Variants in FGFR2 observed in about 807,000 individuals in gnomAD.
The protein encoded by FGFR2 is BEK fibroblast growth factor receptor.
Under a neutral mutation model 95.9 loss-of-function variants are expected in FGFR2, and 19 were observed. The ratio of observed to expected loss-of-function variants is 0.20; its 90% CI spans 0.14 to 0.29. The LOEUF is 0.29. FGFR2 is among the 10% of genes least tolerant of loss of function. FGFR2 has a pLI of 1.00. For missense variants in FGFR2, 707 were observed against 1,056.9 expected (o/e 0.67, Z 4.59); for synonymous variants, 392 against 393.3 (o/e 1.00, Z 0.04).
At position 121,583,757 on chromosome 10, in the gene FGFR2, A is replaced by T. The variant is rs1414847576; in HGVS notation, c.109+9952T>A. On this transcript the variant is annotated intron_variant, in intron 2 of 17. Transcript: ENST00000358487. ...AGAATGAGGGGTCACCACATTCTCC[A>T]GCAAAAAAAAAAAATCCTCCTGCTC... is the stretch of plus-strand genomic sequence containing the variant. Among the ~76,000 whole-genome samples, 5 of 123,040 alleles carry T rather than the reference A, an allele frequency of 4.1e-5. No individual in the cohort carries two copies. In the East Asian group the frequency reaches 9.5e-4, roughly 23 times the overall value. The allele number at this position is 123,040 out of a possible 152,430, so 80.7% of individuals were successfully genotyped here. A position where few individuals can be genotyped will look rare whatever the true frequency, so the allele number is the denominator to read the frequency against.
At chr10:121,489,854 C>T (rs1473419671) in intron 13 of FGFR2, among the ~76,000 whole-genome samples, 1 of 152,242 alleles carries the variant, frequency 6.6e-6, no homozygotes, top group Non-Finnish European at 1.5e-5. Flanking sequence ...GAGACTTCCA[C>T]ACTGCCCGTC....
At position 121,502,066 on chromosome 10, in the gene FGFR2, G is replaced by A. The variant is rs544140154; in HGVS notation, c.1440-1119C>T. On this transcript the variant is annotated intron_variant, in intron 10 of 17. Coordinates refer to ENST00000358487, the MANE Select transcript of FGFR2 (RefSeq NM_000141.5). ...TTTCCACACTCAGGGTACCCCGGGT[G>A]GGAGGTAACAGTTGGGCACATACAG... is the stretch of plus-strand genomic sequence containing the variant. 5.9e-5 allele frequency among the ~76,000 whole-genome samples: 9 copies of A among 152,308 alleles called. No individual in the cohort carries two copies. In the East Asian group the frequency reaches 1.7e-3, roughly 29 times the overall value.
At chr10:121,538,551 G>A in intron 6 of FGFR2, 41 bp downstream of exon 6, 1 of 1,614,016 alleles carries the variant, frequency 6.2e-7, no homozygotes. Flanking sequence ...AAGCAAGAAT[G>A]GGCTGGTATG....
In FGFR2 at chr10:121,597,952, C is replaced by T. The variant is rs116031375; in HGVS notation, c.-151+10G>A. The T allele has an allele frequency of 3.9e-4, 154 of 392,122 alleles. No individual in the cohort carries two copies. Among genetic ancestry groups the T allele is most frequent in the African/African-American group, 2.8e-3 (135 of 48,614 alleles). 24.3% of individuals were successfully genotyped at this position (392,122 alleles called of 1,614,324 possible). A position where few individuals can be genotyped will look rare whatever the true frequency, so the allele number is the denominator to read the frequency against. On this transcript the variant is annotated intron_variant, in intron 1 of 17. Transcript: ENST00000358487. Reference sequence around the variant, plus strand: ...GCGAAGCTCCCCGAGGCGTCTTGCGCGGCGATTACCTTGAATGGCAACGCT... The same window carrying T: ...GCGAAGCTCCCCGAGGCGTCTTGCGTGGCGATTACCTTGAATGGCAACGCT...
At chr10:121,487,318 G>T (rs150105073) in intron 15 of FGFR2, 36 bp downstream of exon 15, 1 of 1,551,346 alleles carries the variant, frequency 6.4e-7, no homozygotes, top group African/African-American at 1.4e-5. Flanking sequence ...TGCAGCTCAA[G>T]CCCAGGAAAA....
chr10:121,592,324 C>G (rs1027993688), intron 2 of FGFR2, among the ~76,000 whole-genome samples: 4 of 152,170 alleles, frequency 2.6e-5, no homozygotes, highest in African/African-American at 9.7e-5. Flanking sequence ...ATCCTGGTGT[C>G]CCAGCACAAA....
At chr10:121,558,802 T>C (rs552899596) in intron 4 of FGFR2, among the ~76,000 whole-genome samples, 11 of 152,116 alleles carry the variant, frequency 7.2e-5, no homozygotes, top group African/African-American at 2.6e-4. Flanking sequence ...TTGGCCAGGC[T>C]GGTCTCGAAC....
intron 2 of FGFR2, among the ~76,000 whole-genome samples, chr10:121,580,470 C>G (rs1287276478): frequency 2.4e-3 from 1 of 412 alleles, no homozygotes; most frequent in Non-Finnish European, 0.013. Context: ...GCCTGGCCAG[C>G]ATCTCGAAAC....
At chr10:121,499,292 GT>G (rs1290105395) in intron 11 of FGFR2, among the ~76,000 whole-genome samples, 1 of 152,014 alleles carries the variant, frequency 6.6e-6, no homozygotes, top group African/African-American at 2.4e-5. Flanking sequence ...ACTTTCCCAT[GT>G]GCCCTCCACC....
intron 13 of FGFR2, among the ~76,000 whole-genome samples, chr10:121,494,112 G>A (rs1564870993): frequency 6.6e-6 from 1 of 151,882 alleles, no homozygotes; most frequent in Non-Finnish European, 1.5e-5. Context: ...GCAGTGAGAG[G>A]CATTTTTGAA....
intron 2 of FGFR2, among the ~76,000 whole-genome samples, chr10:121,584,263 A>T (rs1267515877): frequency 6.6e-6 from 1 of 151,870 alleles, no homozygotes; most frequent in African/African-American, 2.4e-5. Context: ...CACTACAGGC[A>T]AACATGGCAA....
intron 9 of FGFR2, among the ~76,000 whole-genome samples, chr10:121,510,382 A>G (rs1848899552): frequency 6.6e-6 from 1 of 152,206 alleles, no homozygotes; most frequent in Non-Finnish European, 1.5e-5. Context: ...GGGAGCAGCG[A>G]AATAGGGGCA....
At chr10:121,597,111 A>G (rs891372491) in intron 1 of FGFR2, among the ~76,000 whole-genome samples, 1 of 152,216 alleles carries the variant, frequency 6.6e-6, no homozygotes, top group African/African-American at 2.4e-5. Flanking sequence ...AACGGTCTGC[A>G]AGGGAGCGGG....
chr10:121,500,736 G>T (rs1847489478), intron 11 of FGFR2, 90 bp downstream of exon 11: 1 of 1,563,488 alleles, frequency 6.4e-7, no homozygotes. Context: ...CTGACCCCGT[G>T]CCATGATAGA....
intron 9 of FGFR2, among the ~76,000 whole-genome samples, chr10:121,510,846 G>T (rs1848962983): frequency 6.6e-6 from 1 of 150,616 alleles, no homozygotes; most frequent in African/African-American, 2.5e-5. Flanking sequence ...CTGTCACCAA[G>T]GCTGGAGTGC....
At chr10:121,545,250 T>A (rs1194476541) in intron 5 of FGFR2, among the ~76,000 whole-genome samples, 1 of 152,242 alleles carries the variant, frequency 6.6e-6, no homozygotes, top group Non-Finnish European at 1.5e-5. Context: ...CTTTGCATGC[T>A]TTTGGGGAGC....
intron 4 of FGFR2, among the ~76,000 whole-genome samples, chr10:121,554,827 T>C (rs1428427866): frequency 6.6e-6 from 1 of 152,132 alleles, no homozygotes; most frequent in African/African-American, 2.4e-5. Context: ...TTTTTGCAGT[T>C]GGAAAGGACA....
intron 2 of FGFR2, among the ~76,000 whole-genome samples, chr10:121,592,650 C>T (rs1862828106): frequency 6.6e-6 from 1 of 152,100 alleles, no homozygotes; most frequent in Non-Finnish European, 1.5e-5. Flanking sequence ...GGAGGCTGGG[C>T]TCTCTGTCCT....
At chr10:121,556,719 G>A (rs565438104) in intron 4 of FGFR2, among the ~76,000 whole-genome samples, 13 of 152,190 alleles carry the variant, frequency 8.5e-5, no homozygotes, top group African/African-American at 2.9e-4. Context: ...TATGTGAGCC[G>A]CGGCCACCAA....
Sources: gnomAD v4.1 joint callset for allele counts (sites outside exome capture counted in the v4.1 genomes callset) on GRCh38, gnomAD v4.1.1 for gene constraint, MANE v1.5 for transcripts, NCBI Gene and HGNC (gene_info 2026-07-23, HGNC 2026-07-21) for gene names.